RGS6: variants seen among roughly 807,000 people sequenced by gnomAD.
RGS6 encodes the protein regulator of G-protein signaling 6.
In RGS6, 30 loss-of-function variants were observed where a neutral mutation model predicts 78.5. The observed-to-expected ratio is 0.38, with a 90% CI of 0.29 to 0.52. RGS6 has a LOEUF of 0.52. RGS6 is among the 20% of genes least tolerant of loss of function. The pLI, the probability that RGS6 is intolerant of heterozygous loss-of-function variation, is 0.85. For synonymous variants in RGS6, 206 were observed against 206.0 expected (o/e 1.00, Z 0.00); for missense variants, 495 against 609.7 (o/e 0.81, Z 1.98).
intron 2 of RGS6, among the ~76,000 whole-genome samples, chr14:72,167,104 C>G (rs1330577310): frequency 2.0e-5 from 3 of 152,180 alleles, no homozygotes; most frequent in African/African-American, 7.2e-5. Flanking sequence ...AGGCTACGCT[C>G]AAGTATTACC....
the RGS6 span, among the ~76,000 whole-genome samples, chr14:72,577,667 C>T: frequency 5.3e-5 from 8 of 152,324 alleles, no homozygotes; most frequent in African/African-American, 1.4e-4. Context: ...GGAAGCTCTG[C>T]CTACCTATCA....
chr14:71,891,656 A>G, the RGS6 span, among the ~76,000 whole-genome samples: 3 of 151,680 alleles, frequency 2.0e-5, no homozygotes, highest in African/African-American at 7.3e-5. Context: ...TGGGAGAAGC[A>G]TCAGATGATT....
At chr14:72,310,337 G>T (rs957951943) in intron 2 of RGS6, among the ~76,000 whole-genome samples, 2 of 152,208 alleles carry the variant, frequency 1.3e-5, no homozygotes, top group Non-Finnish European at 2.9e-5. Flanking sequence ...GAAGCAAAAG[G>T]TTAAACTGTT....
At chr14:72,203,503 G>T (rs541582968) in intron 2 of RGS6, among the ~76,000 whole-genome samples, 1 of 152,354 alleles carries the variant, frequency 6.6e-6, no homozygotes, top group African/African-American at 2.4e-5. Context: ...GCTTGGCCAG[G>T]TGGGGAAGGA....
intron 1 of RGS6, among the ~76,000 whole-genome samples, chr14:71,943,192 G>A (rs2090920624): frequency 6.6e-6 from 1 of 152,120 alleles, no homozygotes; most frequent in African/African-American, 2.4e-5. Context: ...GCTATTATTT[G>A]TTCTTAAAGG....
At chr14:71,999,607 G>A (rs981992273) in intron 2 of RGS6, among the ~76,000 whole-genome samples, 1 of 113,012 alleles carries the variant, frequency 8.8e-6, no homozygotes, top group African/African-American at 2.8e-5. Context: ...GTGGTTGGAT[G>A]GTGGGGGTGG....
rs137957039 is a variant in RGS6 at position 72,447,376 on chromosome 14, G to A, written c.185-7152G>A. Among the ~76,000 whole-genome samples, 718 of 152,288 alleles carry A rather than the reference G, an allele frequency of 4.7e-3. 4 individuals carry two copies. Among genetic ancestry groups the A allele is most frequent in the African/African-American group, 0.016 (659 of 41,574 alleles). ...GAGGCCTCACCAGACTAGTAGAGTT[G>A]TCCAGCCACAATGCCCTCCTCATTT... On this transcript the variant is annotated intron_variant, in intron 3 of 17. Transcript: ENST00000553525.
chr14:72,473,053 C>A, intron 9 of RGS6, 100 bp downstream of exon 9: 1 of 779,974 alleles, frequency 1.3e-6, no homozygotes, highest in South Asian at 2.1e-5. Flanking sequence ...GTGTCTCATT[C>A]TTAAGAAAAT....
intron 2 of RGS6, among the ~76,000 whole-genome samples, chr14:71,998,674 G>A (rs1040690762): frequency 6.6e-5 from 10 of 152,220 alleles, no homozygotes; most frequent in Non-Finnish European, 1.5e-4. Context: ...CTCCTTGCTT[G>A]AGTACATTTA....
Position 72,413,590 on chromosome 14 carries a change from T to C in RGS6, c.185-40938T>C, listed in dbSNP as rs544619735. 2.0e-3 allele frequency among the ~76,000 whole-genome samples: 303 copies of C among 152,312 alleles called. 1 individual carries two copies. The highest frequency in any genetic ancestry group is 0.01 in the Middle Eastern group (3 of 294). On this transcript the variant is annotated intron_variant, in intron 3 of 17. Coordinates refer to ENST00000553525, the MANE Select transcript of RGS6 (RefSeq NM_001204424.2). ...CATTTAAGGTTAATATTGTTATGTGTGAATTTGATCCTGTTATTATGATGT... is the reference window on the plus strand; with the variant it reads ...CATTTAAGGTTAATATTGTTATGTGCGAATTTGATCCTGTTATTATGATGT...
chr14:71,891,285 T>C, the RGS6 span, among the ~76,000 whole-genome samples: 1 of 152,164 alleles, frequency 6.6e-6, no homozygotes. Flanking sequence ...ACTGGGTGCC[T>C]CTCCCTTAGT....
chr14:72,172,879 A>T (rs1179360097), intron 2 of RGS6, among the ~76,000 whole-genome samples: 1 of 152,136 alleles, frequency 6.6e-6, no homozygotes, highest in Non-Finnish European at 1.5e-5. Flanking sequence ...ATGTTGGCTG[A>T]GCTATGGTGA....
At chr14:72,493,203 G>A (rs915638388) in intron 12 of RGS6, among the ~76,000 whole-genome samples, 3 of 152,120 alleles carry the variant, frequency 2.0e-5, no homozygotes, top group Non-Finnish European at 4.4e-5. Flanking sequence ...CAGCGTGAAA[G>A]AGTATAATCA....
chr14:72,547,898 TAAG>T lies in RGS6; in HGVS notation c.1422+7808_1422+7810del, dbSNP rs900311580. Reference sequence around the variant, plus strand: ...CCCCCGTGGCGGTCTGGCTTACTGTTAAGAAGGGTAACCTTAAAAAATACATTT... The same window carrying T: ...CCCCCGTGGCGGTCTGGCTTACTGTTAAGGGTAACCTTAAAAAATACATTT... On this transcript the variant is annotated intron_variant, in intron 17 of 17. Transcript: ENST00000553525. Among the ~76,000 whole-genome samples the T allele has an allele frequency of 1.1e-4, 16 of 152,274 alleles. No homozygotes were observed. In the South Asian group the frequency reaches 1.5e-3, roughly 14 times the overall value.
chr14:72,322,219 A>G (rs2072280917), intron 2 of RGS6, among the ~76,000 whole-genome samples: 1 of 152,034 alleles, frequency 6.6e-6, no homozygotes, highest in Non-Finnish European at 1.5e-5. Context: ...TGATAATAAA[A>G]GCAGAAAATA....
chr14:72,022,872 C>T (rs1222550146), intron 2 of RGS6, among the ~76,000 whole-genome samples: 1 of 152,186 alleles, frequency 6.6e-6, no homozygotes, highest in South Asian at 2.1e-4. Flanking sequence ...GCTGAACATA[C>T]TCAAATGTAT....
At chr14:72,425,161 C>CA (rs1167381338) in intron 3 of RGS6, among the ~76,000 whole-genome samples, 9 of 151,886 alleles carry the variant, frequency 5.9e-5, no homozygotes, top group African/African-American at 1.7e-4. Context: ...TTTTTTGAGA[C>CA]AGAGTCTCAC....
intron 2 of RGS6, among the ~76,000 whole-genome samples, chr14:72,259,910 C>CAAAAAAAAAAAAAA (rs11287556): frequency 7.3e-5 from 5 of 68,408 alleles, no homozygotes; most frequent in African/African-American, 2.7e-4. Context: ...GACTCCGTCT[C>CAAAAAAAAAAAAAA]AAAAAAAAAA....
At chr14:72,008,884 G>C (rs1453924605) in intron 2 of RGS6, among the ~76,000 whole-genome samples, 4 of 152,220 alleles carry the variant, frequency 2.6e-5, no homozygotes, top group Non-Finnish European at 5.9e-5. Context: ...AAATTGGCTT[G>C]GCTGGCATCC....
Sources: allele counts gnomAD v4.1 joint callset (sites outside exome capture counted in the v4.1 genomes callset), GRCh38; gene constraint gnomAD v4.1.1; transcripts MANE v1.5; gene names NCBI Gene and HGNC (gene_info 2026-07-23, HGNC 2026-07-21).